The following SIK3 variants were observed in gnomAD, a reference collection of about 807,000 sequenced individuals.
SIK3 encodes the protein SIK family kinase 3, also known as serine/threonine-protein kinase SIK3.
A neutral mutation model predicts 144.2 loss-of-function variants in SIK3; 28 were observed. The ratio of observed to expected loss-of-function variants is 0.19; its 90% CI spans 0.14 to 0.27. The LOEUF (loss-of-function observed/expected upper bound fraction) is 0.27, where lower values mean the gene tolerates loss of function less well. SIK3 is among the 10% of genes least tolerant of loss of function. The pLI is 1.00. For synonymous variants in SIK3, 686 were observed against 676.3 expected (o/e 1.01, Z -0.22); for missense variants, 1,319 against 1,776.0 (o/e 0.74, Z 4.62).
chr11:116,989,741 T>C (rs1950439431), intron 1 of SIK3, among the ~76,000 whole-genome samples: 1 of 152,154 alleles, frequency 6.6e-6, no homozygotes, highest in African/African-American at 2.4e-5. Context: ...ACTGTGGACT[T>C]CCAAATTAAA....
chr11:116,922,907 C>CTTTTTT (rs202058609), intron 4 of SIK3, among the ~76,000 whole-genome samples: 8 of 102,174 alleles, frequency 7.8e-5, no homozygotes, highest in East Asian at 3.5e-4. Context: ...TTTCTTTTCT[C>CTTTTTT]TTTTTTTTTT....
intron 4 of SIK3, among the ~76,000 whole-genome samples, chr11:116,911,856 AT>A (rs568120033): frequency 6.0e-3 from 918 of 152,320 alleles, no homozygotes; most frequent in Non-Finnish European, 9.5e-3. Context: ...CTTACTGCTT[AT>A]TTACTGGCAA....
intron 3 of SIK3, among the ~76,000 whole-genome samples, chr11:116,932,315 GAC>G (rs1315954538): frequency 6.6e-6 from 1 of 152,136 alleles, no homozygotes; most frequent in Non-Finnish European, 1.5e-5. Context: ...AAGTTGCAAA[GAC>G]AGTGCAGAGA....
At chr11:117,090,872 G>A (rs56016514) in intron 1 of SIK3, among the ~76,000 whole-genome samples, 47,679 of 152,052 alleles carry the variant, frequency 0.31, 9,707 homozygotes, top group African/African-American at 0.59. Context: ...CTCTCTACTC[G>A]GAAATGTTTC....
intron 1 of SIK3, among the ~76,000 whole-genome samples, chr11:116,972,822 A>ACT (rs140289028): frequency 2.0e-5 from 3 of 152,080 alleles, no homozygotes; most frequent in Non-Finnish European, 1.5e-5. Flanking sequence ...ACACACACAC[A>ACT]TAATGACAGA....
intron 1 of SIK3, among the ~76,000 whole-genome samples, chr11:116,969,161 G>A (rs1471137981): frequency 2.0e-5 from 3 of 151,742 alleles, no homozygotes; most frequent in Non-Finnish European, 2.9e-5. Flanking sequence ...GTAGTGGCAG[G>A]CGCCTGTAGT....
At chr11:116,959,661 A>G (rs1398576235) in intron 1 of SIK3, among the ~76,000 whole-genome samples, 1 of 152,178 alleles carries the variant, frequency 6.6e-6, no homozygotes, top group Non-Finnish European at 1.5e-5. Context: ...CACTCACTCT[A>G]AATTTCATTT....
intron 2 of SIK3, among the ~76,000 whole-genome samples, chr11:116,955,577 A>C (rs1052953985): frequency 6.6e-6 from 1 of 152,188 alleles, no homozygotes; most frequent in African/African-American, 2.4e-5. Context: ...AATAGCTATA[A>C]GTCAACCTCT....
At chr11:117,001,783 T>G (rs1421480322) in intron 1 of SIK3, among the ~76,000 whole-genome samples, 1 of 152,208 alleles carries the variant, frequency 6.6e-6, no homozygotes, top group East Asian at 1.9e-4. Flanking sequence ...CTTGAATGAT[T>G]ACAATAGTCT....
At chr11:116,967,017 A>AAAAAAAAAG (rs555732125) in intron 1 of SIK3, among the ~76,000 whole-genome samples, 4 of 147,396 alleles carry the variant, frequency 2.7e-5, no homozygotes, top group African/African-American at 5.1e-5. Flanking sequence ...AAAAAAAAGA[A>AAAAAAAAAG]AAAGAAAAAG....
At chr11:116,871,300 A>AAAAC (rs1432272267) in intron 13 of SIK3, among the ~76,000 whole-genome samples, 2 of 152,190 alleles carry the variant, frequency 1.3e-5, no homozygotes, top group Non-Finnish European at 2.9e-5. Flanking sequence ...AAAACAAAAC[A>AAAAC]AAACAAAACA....
At chr11:117,055,249 T>C (rs1953459744) in intron 1 of SIK3, among the ~76,000 whole-genome samples, 1 of 152,192 alleles carries the variant, frequency 6.6e-6, no homozygotes. Context: ...GTACCACAGA[T>C]ACAGATTTAT....
intron 1 of SIK3, among the ~76,000 whole-genome samples, chr11:117,054,696 A>C (rs1373814511): frequency 1.3e-5 from 2 of 152,194 alleles, no homozygotes; most frequent in Non-Finnish European, 2.9e-5. Context: ...ACTTTGGCAG[A>C]GGTGGGAGGA....
Position 116,859,255 on chromosome 11 carries a change from G to A in SIK3, c.2765+10C>T. The A allele has an allele frequency of 1.3e-6, 2 of 1,591,342 alleles. No individual in the cohort carries two copies. The highest frequency in any genetic ancestry group is 1.7e-6 in the Non-Finnish European group (2 of 1,164,554). ...TGCATAGATGGCTGGGTGACGTTAG[G>A]CGGTCTTACCTGTGAGCCTCTGCAC... On this transcript the variant is annotated intron_variant, in intron 20 of 24. Transcript: ENST00000445177.
chr11:116,880,614 T>C (rs574372192), intron 6 of SIK3, among the ~76,000 whole-genome samples: 28 of 152,286 alleles, frequency 1.8e-4, no homozygotes, highest in African/African-American at 6.7e-4. Flanking sequence ...CTAAGTGTCA[T>C]GTAGTTCATG....
chr11:117,054,011 T>A (rs539577979), intron 1 of SIK3, among the ~76,000 whole-genome samples: 1 of 152,300 alleles, frequency 6.6e-6, no homozygotes, highest in South Asian at 2.1e-4. Flanking sequence ...CCTCAAGCAA[T>A]CCTCCTGCTT....
At chr11:117,084,181 A>C (rs1023971872) in intron 1 of SIK3, among the ~76,000 whole-genome samples, 4 of 152,284 alleles carry the variant, frequency 2.6e-5, no homozygotes, top group Non-Finnish European at 4.4e-5. Context: ...AATGCCCCCA[A>C]CATGCAAACT....
intron 3 of SIK3, among the ~76,000 whole-genome samples, chr11:116,944,754 A>G (rs1185176062): frequency 6.6e-6 from 1 of 152,184 alleles, no homozygotes; most frequent in Non-Finnish European, 1.5e-5. Flanking sequence ...CCTTCTAGCT[A>G]TTTATCAAAC....
intron 1 of SIK3, among the ~76,000 whole-genome samples, chr11:117,052,134 T>TG (rs564325746): frequency 0.013 from 1,966 of 151,172 alleles, 44 homozygotes; most frequent in African/African-American, 0.044. Context: ...AGTGAAACCC[T>TG]GGGAAAAAAA....
Sources: allele counts gnomAD v4.1 joint callset (sites outside exome capture counted in the v4.1 genomes callset), GRCh38; gene constraint gnomAD v4.1.1; transcripts MANE v1.5; gene names NCBI Gene and HGNC (gene_info 2026-07-23, HGNC 2026-07-21).